ANKRD44: variants seen among roughly 807,000 people sequenced by gnomAD.
ANKRD44 encodes the protein serine/threonine-protein phosphatase 6 regulatory ankyrin repeat subunit B.
ANKRD44 carries 35 observed loss-of-function variants against 116.0 expected under a neutral mutation model. That is an observed-to-expected ratio of 0.30 (90% CI 0.23 to 0.40). The LOEUF is 0.40. Among genes scored for constraint, ANKRD44 ranks in the 10% least tolerant of loss-of-function variants. ANKRD44 has a pLI of 1.00. For synonymous variants in ANKRD44, 435 were observed against 461.8 expected (o/e 0.94, Z 0.74); for missense variants, 1,014 against 1,242.6 (o/e 0.82, Z 2.77).
chr2:197,234,458 C>T (rs1246082541), intron 1 of ANKRD44, among the ~76,000 whole-genome samples: 1 of 152,252 alleles, frequency 6.6e-6, no homozygotes, highest in East Asian at 1.9e-4. Flanking sequence ...TCACACAGTG[C>T]TGGGATTACA....
chr2:197,259,973 G>T (rs2082553876), intron 1 of ANKRD44, among the ~76,000 whole-genome samples: 2 of 152,170 alleles, frequency 1.3e-5, no homozygotes, highest in Admixed American at 6.5e-5. Flanking sequence ...AAGAACACAG[G>T]CTATACTATC....
Position 197,029,819 on chromosome 2 carries a change from C to T in ANKRD44, c.1651-4552G>A, listed in dbSNP as rs114550712. 9.9e-3 allele frequency: 2,855 copies of T among 289,528 alleles called. 16 individuals are homozygous for T. The highest frequency in any genetic ancestry group is 0.014 in the Non-Finnish European group (2,117 of 147,134). The allele number at this position is 289,528 out of a possible 1,614,324, so 17.9% of individuals were successfully genotyped here. On this transcript the variant is annotated intron_variant, in intron 16 of 27. Coordinates refer to ENST00000282272, the MANE Select transcript of ANKRD44 (RefSeq NM_001195144.2). ...GCCTCCTGGGTCTTCTTGTAGCCTT[C>T]AACTTTACCTTCAACCACCGAAGGA...
chr2:197,258,797 A>T (rs2082523980), intron 1 of ANKRD44, among the ~76,000 whole-genome samples: 1 of 152,180 alleles, frequency 6.6e-6, no homozygotes, highest in African/African-American at 2.4e-5. Flanking sequence ...ATGAAGTGGT[A>T]TCTCATTTGT....
chr2:197,257,738 A>T lies in ANKRD44; in HGVS notation c.27+52840T>A, dbSNP rs144616121. ...TACTATGTACCCACAAAAAGTAAAAATTTTTTAATTTACCATTTTAACCAT... is the reference window on the plus strand; with the variant it reads ...TACTATGTACCCACAAAAAGTAAAATTTTTTTAATTTACCATTTTAACCAT... On this transcript the variant is annotated intron_variant, in intron 1 of 27. Transcript: ENST00000282272. 6.6e-3 allele frequency among the ~76,000 whole-genome samples: 1,011 copies of T among 152,232 alleles called. 5 individuals are homozygous for T. The highest frequency in any genetic ancestry group is 9.6e-3 in the Non-Finnish European group (655 of 68,012).
chr2:197,078,540 T>C lies in ANKRD44; in HGVS notation c.1650+163A>G. On this transcript the variant is annotated intron_variant, in intron 16 of 27. Coordinates refer to ENST00000282272, the MANE Select transcript of ANKRD44 (RefSeq NM_001195144.2). ...TGCAATGGAAGGCAGCATGGTGCAG[T>C]AGAAAAAACACTTTTTGAAATCAGA... 3 of 1,481,020 alleles carry C rather than the reference T, an allele frequency of 2.0e-6. No individual in the cohort carries two copies. In the South Asian group the frequency reaches 3.7e-5, roughly 18 times the overall value. 91.7% of individuals were successfully genotyped at this position (1,481,020 alleles called of 1,614,324 possible). A position where few individuals can be genotyped will look rare whatever the true frequency, so the allele number is the denominator to read the frequency against.
intron 1 of ANKRD44, among the ~76,000 whole-genome samples, chr2:197,283,835 G>A (rs1373485670): frequency 2.6e-4 from 39 of 152,164 alleles, no homozygotes; most frequent in Non-Finnish European, 4.4e-5. Flanking sequence ...TGTTAGGCTT[G>A]AGTAGTCTAG....
intron 2 of ANKRD44, among the ~76,000 whole-genome samples, chr2:197,176,920 T>TATA (rs56232373): frequency 0.29 from 43,129 of 150,630 alleles, 6,822 homozygotes; most frequent in African/African-American, 0.43. Context: ...GTTTCAAGGG[T>TATA]ATAATAATAA....
At chr2:197,020,862 A>G (rs1018977378) in intron 17 of ANKRD44, among the ~76,000 whole-genome samples, 1 of 143,904 alleles carries the variant, frequency 6.9e-6, no homozygotes, top group African/African-American at 3.0e-5. Flanking sequence ...GGTTTGTTAC[A>G]TATGTAAATA....
intron 1 of ANKRD44, among the ~76,000 whole-genome samples, chr2:197,293,692 G>T (rs1284159070): frequency 1.3e-5 from 2 of 152,200 alleles, no homozygotes; most frequent in African/African-American, 4.8e-5. Context: ...TAAGAATGAA[G>T]TTCCACGGTC....
intron 24 of ANKRD44, 88 bp downstream of exon 24, chr2:196,998,819 A>G: frequency 3.9e-6 from 6 of 1,555,450 alleles, no homozygotes; most frequent in Non-Finnish European, 5.2e-6. Context: ...CCACGTGTAT[A>G]TACTATGAGA....
At chr2:197,291,820 C>T (rs1323370182) in intron 1 of ANKRD44, among the ~76,000 whole-genome samples, 1 of 152,148 alleles carries the variant, frequency 6.6e-6, no homozygotes, top group East Asian at 1.9e-4. Flanking sequence ...CTATCCCTCC[C>T]CCATCCCACC....
chr2:196,978,466 A>C (rs960977010), intron 21 of ANKRD44, among the ~76,000 whole-genome samples: 16 of 152,200 alleles, frequency 1.1e-4, no homozygotes, highest in Non-Finnish European at 2.1e-4. Context: ...ATATATTAAG[A>C]CATGTATGAA....
chr2:197,251,895 T>G (rs2712889), intron 1 of ANKRD44, among the ~76,000 whole-genome samples: 152,135 of 152,268 alleles, frequency 1, 76,001 homozygotes, highest in Middle Eastern at 1. Context: ...CCACTACTTA[T>G]TTTTTTTCTT....
intron 1 of ANKRD44, among the ~76,000 whole-genome samples, chr2:197,231,104 G>A (rs989636281): frequency 3.9e-5 from 6 of 152,124 alleles, no homozygotes; most frequent in African/African-American, 7.2e-5. Flanking sequence ...TAAGTCACTG[G>A]CAGATGCGGT....
Position 197,001,801 on chromosome 2 carries a change from C to T in ANKRD44, c.2387G>A (p.Cys796Tyr), listed in dbSNP as rs1287558313. The change falls in exon 22 of 28, where the codon TGT becomes TAT. Residue 796 changes from cysteine (C) to tyrosine (Y), a missense_variant. Cys to Tyr is a radical substitution (Grantham distance 194). Coordinates refer to ENST00000282272, the MANE Select transcript of ANKRD44 (RefSeq NM_001195144.2). ...GGGATTACCGATAAATTTGCGAAAA[C>T]ATTTTTGCTCCAAAAGTACCTCTAT... ...NCIEVLLEQK[C>Y]FRKFIGNPFT... 1.9e-6 allele frequency: 3 copies of T among 1,613,726 alleles called. No individual in the cohort carries two copies. The highest frequency in any genetic ancestry group is 2.2e-5 in the East Asian group (1 of 44,846).
intron 3 of ANKRD44, among the ~76,000 whole-genome samples, chr2:197,144,445 A>G (rs1259989935): frequency 6.6e-6 from 1 of 152,254 alleles, no homozygotes; most frequent in Non-Finnish European, 1.5e-5. Flanking sequence ...ATGCTCTTGC[A>G]ATATTATGAA....
chr2:197,081,341 T>G (rs1365464136), intron 15 of ANKRD44, among the ~76,000 whole-genome samples: 1 of 152,232 alleles, frequency 6.6e-6, no homozygotes, highest in Non-Finnish European at 1.5e-5. Context: ...TTTGTTTGTC[T>G]TCCTTGGTAC....
intron 21 of ANKRD44, among the ~76,000 whole-genome samples, chr2:196,969,905 C>G (rs1421770026): frequency 1.3e-5 from 2 of 152,126 alleles, no homozygotes; most frequent in Non-Finnish European, 2.9e-5. Flanking sequence ...AGAATATATC[C>G]TTTTAGGAAC....
At chr2:197,065,091 C>A (rs9711643) in intron 16 of ANKRD44, among the ~76,000 whole-genome samples, 128,085 of 152,176 alleles carry the variant, frequency 0.84, 56,497 homozygotes, top group East Asian at 1. Flanking sequence ...AACAGAAATT[C>A]CATCAAACTG....
Sources: allele counts gnomAD v4.1 joint callset (sites outside exome capture counted in the v4.1 genomes callset), GRCh38; gene constraint gnomAD v4.1.1; transcripts MANE v1.5; gene names NCBI Gene and HGNC (gene_info 2026-07-23, HGNC 2026-07-21).